Variants in GPHN observed in about 807,000 individuals in gnomAD.
GPHN encodes gephyrin.
In GPHN, 17 loss-of-function variants were observed where a neutral mutation model predicts 95.5. The observed-to-expected ratio is 0.18, with a 90% CI of 0.12 to 0.27. GPHN has a LOEUF of 0.27. Among genes scored for constraint, GPHN ranks in the 10% least tolerant of loss-of-function variants. The probability of loss-of-function intolerance (pLI) is 1.00; values close to 1 mark genes in which losing one functional copy is unlikely to be tolerated. For missense variants in GPHN, 660 were observed against 978.1 expected (o/e 0.67, Z 4.34); for synonymous variants, 320 against 322.5 (o/e 0.99, Z 0.08).
the GPHN span, chr14:67,360,451 C>A: frequency 1.6e-5 from 6 of 380,850 alleles, no homozygotes; most frequent in East Asian, 3.7e-5. Context: ...CACACACATA[C>A]CTCAGGTGAC....
chr14:67,623,883 C>T, the GPHN span, among the ~76,000 whole-genome samples: 7 of 152,242 alleles, frequency 4.6e-5, no homozygotes, highest in African/African-American at 1.4e-4. Flanking sequence ...CTCTGTCACT[C>T]AGGCTGGAGT....
chr14:66,543,363 G>A (rs2059420352), intron 1 of GPHN, among the ~76,000 whole-genome samples: 1 of 152,028 alleles, frequency 6.6e-6, no homozygotes. Flanking sequence ...ATTTGATTTA[G>A]TTGATCATTC....
chr14:66,899,420 A>G (rs570994958), intron 5 of GPHN, among the ~76,000 whole-genome samples: 32 of 151,856 alleles, frequency 2.1e-4, no homozygotes, highest in Middle Eastern at 3.2e-3. Flanking sequence ...TCTTTTTCAA[A>G]TTAAAGAAGT....
At chr14:67,567,848 G>C in the GPHN span, among the ~76,000 whole-genome samples, 16 of 146,426 alleles carry the variant, frequency 1.1e-4, no homozygotes, top group African/African-American at 4.4e-4. Context: ...TCCCTCGTCA[G>C]CCTTGGTGAC....
chr14:67,245,203 T>C, the GPHN span, among the ~76,000 whole-genome samples: 8 of 152,216 alleles, frequency 5.3e-5, no homozygotes, highest in Non-Finnish European at 8.8e-5. Flanking sequence ...ATTTGTTACA[T>C]TGGCATAGGA....
At chr14:67,375,741 GTAGTCTC>G in the GPHN span, among the ~76,000 whole-genome samples, 1 of 152,132 alleles carries the variant, frequency 6.6e-6, no homozygotes, top group African/African-American at 2.4e-5. Context: ...CACTTAGAAT[GTAGTCTC>G]TAAACTAGCA....
At chr14:67,660,070 G>C in the GPHN span, 2 of 796,892 alleles carry the variant, frequency 2.5e-6, no homozygotes, top group South Asian at 3.9e-5. Flanking sequence ...GACCATGTCT[G>C]GCATGTTCCC....
At chr14:67,322,569 T>C in the GPHN span, among the ~76,000 whole-genome samples, 3 of 152,156 alleles carry the variant, frequency 2.0e-5, no homozygotes, top group South Asian at 2.1e-4. Flanking sequence ...TATTCTAAAA[T>C]AGTAATTAGG....
chr14:66,980,427 A>G (rs1385599300), intron 9 of GPHN, among the ~76,000 whole-genome samples: 3 of 152,292 alleles, frequency 2.0e-5, no homozygotes, highest in Non-Finnish European at 4.4e-5. Context: ...AAAATTAAGA[A>G]CATATAATGT....
At chr14:67,570,835 T>C in the GPHN span, 1 of 152,280 alleles carries the variant, frequency 6.6e-6, no homozygotes, top group Admixed American at 6.5e-5. Flanking sequence ...GCGATTCTCC[T>C]GCCTCAGCCT....
At chr14:67,000,115 G>A (rs1214238881) in intron 9 of GPHN, among the ~76,000 whole-genome samples, 5 of 151,812 alleles carry the variant, frequency 3.3e-5, no homozygotes, top group Non-Finnish European at 5.9e-5. Context: ...AAGGAATGAT[G>A]GTTTTAAAGT....
intron 2 of GPHN, among the ~76,000 whole-genome samples, chr14:66,736,350 G>A (rs1263491928): frequency 6.7e-6 from 1 of 149,634 alleles, no homozygotes; most frequent in Non-Finnish European, 1.5e-5. Flanking sequence ...GTACTACCGA[G>A]TTAGATTTTC....
At chr14:67,411,580 G>A in the GPHN span, among the ~76,000 whole-genome samples, 2 of 152,264 alleles carry the variant, frequency 1.3e-5, no homozygotes, top group South Asian at 4.1e-4. Context: ...GGGCTGCTGG[G>A]AGGATGACAT....
chr14:67,263,604 C>G, the GPHN span, among the ~76,000 whole-genome samples: 2 of 152,194 alleles, frequency 1.3e-5, no homozygotes, highest in African/African-American at 2.4e-5. Context: ...TTAAATGCTT[C>G]TGTTCTGATG....
the GPHN span, chr14:67,321,394 T>A: frequency 1.3e-6 from 1 of 784,946 alleles, no homozygotes. Flanking sequence ...ACTGATTTGC[T>A]ATCTGAAATC....
At chr14:67,657,590 G>A in the GPHN span, among the ~76,000 whole-genome samples, 8 of 141,444 alleles carry the variant, frequency 5.7e-5, no homozygotes, top group Non-Finnish European at 1.1e-4. Flanking sequence ...CAAAGCACGC[G>A]CGCGCGTGCA....
chr14:67,451,448 C>A, the GPHN span, among the ~76,000 whole-genome samples: 1 of 152,252 alleles, frequency 6.6e-6, no homozygotes, highest in African/African-American at 2.4e-5. Context: ...AAGGGCTATA[C>A]ATGCAAAGCC....
At chr14:66,508,794 C>T (rs111857126) in intron 1 of GPHN, among the ~76,000 whole-genome samples, 4 of 152,144 alleles carry the variant, frequency 2.6e-5, no homozygotes, top group African/African-American at 4.8e-5. Context: ...CCCCAGGAGC[C>T]GGGGTCGACC....
chr14:67,675,670 A>G, the GPHN span, among the ~76,000 whole-genome samples: 1 of 152,164 alleles, frequency 6.6e-6, no homozygotes, highest in South Asian at 2.1e-4. Context: ...TGGTGAATAA[A>G]ACATTTAATC....
Sources: allele counts gnomAD v4.1 joint callset (sites outside exome capture counted in the v4.1 genomes callset), GRCh38; gene constraint gnomAD v4.1.1; transcripts MANE v1.5; gene names NCBI Gene and HGNC (gene_info 2026-07-23, HGNC 2026-07-21).